The following TMEM232 variants were observed in gnomAD, a reference collection of about 807,000 sequenced individuals.
TMEM232 encodes transmembrane protein 232.
A neutral mutation model predicts 78.8 loss-of-function variants in TMEM232; 80 were observed. The observed-to-expected ratio is 1.01, with a 90% confidence interval of 0.85 to 1.22. TMEM232 has a LOEUF of 1.22. Ranked by LOEUF, TMEM232 falls within the 50% of genes most tolerant of loss-of-function variation. The pLI is 0.00. For missense variants in TMEM232, 881 were observed against 742.2 expected (o/e 1.19, Z -2.17); for synonymous variants, 297 against 254.3 (o/e 1.17, Z -1.60).
chr5:110,697,022 G>A (rs953606822), intron 1 of TMEM232, among the ~76,000 whole-genome samples: 3 of 152,116 alleles, frequency 2.0e-5, no homozygotes, highest in African/African-American at 7.2e-5. Flanking sequence ...AAAGCTGGAG[G>A]CATCACGCTA....
chr5:110,486,304 C>CA (rs1249612573), intron 12 of TMEM232, among the ~76,000 whole-genome samples: 1 of 152,040 alleles, frequency 6.6e-6, no homozygotes, highest in South Asian at 2.1e-4. Context: ...TTTTGCCATG[C>CA]AAAAGCTCTT....
exon 4 of TMEM232, chr5:110,390,532 A>T (rs190031526): frequency 2.6e-5 from 4 of 152,228 alleles, no homozygotes; most frequent in African/African-American, 7.2e-5. Flanking sequence ...CAACTTCAGC[A>T]TGTCTTTTTA....
chr5:110,690,325 A>G (rs1487538793), intron 1 of TMEM232, among the ~76,000 whole-genome samples: 1 of 151,972 alleles, frequency 6.6e-6, no homozygotes, highest in African/African-American at 2.4e-5. Flanking sequence ...GGGTAAACAG[A>G]CACTTCTCAA....
At chr5:110,736,982 C>G (rs1301928395) in intron 1 of TMEM232, among the ~76,000 whole-genome samples, 1 of 140,926 alleles carries the variant, frequency 7.1e-6, no homozygotes, top group Non-Finnish European at 1.5e-5. Context: ...GTCACTTCTT[C>G]AGAGAGGACT....
At chr5:110,408,322 T>C (rs1227097326) in intron 2 of TMEM232, among the ~76,000 whole-genome samples, 1 of 152,154 alleles carries the variant, frequency 6.6e-6, no homozygotes, top group South Asian at 2.1e-4. Flanking sequence ...TCAGTGGTGG[T>C]GCCTCACACC....
In TMEM232 at chr5:110,587,691, A is replaced by ATGTGTGTG. The variant is rs147127408; in HGVS notation, c.1276+17410_1276+17417dup. Among the ~76,000 whole-genome samples the ATGTGTGTG allele has an allele frequency of 3.4e-3, 212 of 63,108 alleles. 2 individuals are homozygous for ATGTGTGTG. Among genetic ancestry groups the ATGTGTGTG allele is most frequent in the Non-Finnish European group, 4.8e-3 (174 of 36,298 alleles). 41.4% of individuals were successfully genotyped at this position (63,108 alleles called of 152,430 possible). ...TATATATATATATATATATATATAT[A>ATGTGTGTG]TGTGTGTGTGTGTGTGTGTGTGTGT... On this transcript the variant is annotated intron_variant, in intron 10 of 13. Coordinates refer to ENST00000455884, the MANE Select transcript of TMEM232 (RefSeq NM_001039763.4).
At chr5:110,450,146 T>A (rs1047960230) in intron 12 of TMEM232, among the ~76,000 whole-genome samples, 3 of 152,176 alleles carry the variant, frequency 2.0e-5, no homozygotes, top group African/African-American at 7.2e-5. Flanking sequence ...ACTTCCACCA[T>A]AATCATAAGT....
At chr5:110,480,986 A>C (rs189831112) in intron 12 of TMEM232, among the ~76,000 whole-genome samples, 1 of 152,026 alleles carries the variant, frequency 6.6e-6, no homozygotes, top group Non-Finnish European at 1.5e-5. Flanking sequence ...TGTTTTCTGT[A>C]TCTAGTTAAT....
At chr5:110,736,186 C>T (rs192505184) in intron 1 of TMEM232, among the ~76,000 whole-genome samples, 170 of 152,226 alleles carry the variant, frequency 1.1e-3, no homozygotes, top group African/African-American at 3.8e-3. Context: ...AAGCAATAAA[C>T]TCTGGACGAT....
chr5:110,400,389 C>G (rs1412199076), intron 2 of TMEM232, among the ~76,000 whole-genome samples: 1 of 152,080 alleles, frequency 6.6e-6, no homozygotes, highest in Non-Finnish European at 1.5e-5. Flanking sequence ...ATGCCTGCCA[C>G]ATTACAATTA....
At chr5:110,490,269 T>C (rs1473006501) in intron 12 of TMEM232, among the ~76,000 whole-genome samples, 1 of 152,142 alleles carries the variant, frequency 6.6e-6, no homozygotes, top group Non-Finnish European at 1.5e-5. Flanking sequence ...ATGTTCAATT[T>C]GCCATAGTAT....
intron 1 of TMEM232, among the ~76,000 whole-genome samples, chr5:110,726,100 T>C (rs1396308017): frequency 1.6e-5 from 2 of 125,150 alleles, no homozygotes; most frequent in Admixed American, 1.5e-4. Context: ...TATACCCCCC[T>C]CTCTCTTTCA....
At chr5:110,536,085 T>A (rs1339865407) in intron 11 of TMEM232, among the ~76,000 whole-genome samples, 1 of 152,250 alleles carries the variant, frequency 6.6e-6, no homozygotes, top group Non-Finnish European at 1.5e-5. Flanking sequence ...TTTTGCTATC[T>A]GCTCCATACA....
chr5:110,567,291 T>C (rs1037436501), intron 11 of TMEM232, among the ~76,000 whole-genome samples: 2 of 151,706 alleles, frequency 1.3e-5, no homozygotes, highest in African/African-American at 4.8e-5. Context: ...TATTTTTATC[T>C]TAAAAATAAT....
intron 13 of TMEM232, among the ~76,000 whole-genome samples, chr5:110,424,574 C>A (rs926690530): frequency 1.3e-5 from 2 of 152,072 alleles, no homozygotes; most frequent in Non-Finnish European, 2.9e-5. Flanking sequence ...CACAAGAAAT[C>A]AGTACTAATT....
intron 10 of TMEM232, among the ~76,000 whole-genome samples, chr5:110,590,574 C>A (rs189881721): frequency 6.6e-6 from 1 of 152,204 alleles, no homozygotes; most frequent in East Asian, 1.9e-4. Context: ...CTCCACTCCA[C>A]CGTCAGGGGA....
At chr5:110,417,138 G>A (rs1012114282), downstream of TMEM232, among the ~76,000 whole-genome samples, 1 of 152,124 alleles carries the variant, frequency 6.6e-6, no homozygotes, top group African/African-American at 2.4e-5. Context: ...GGAGTCTTGA[G>A]TTTATTCTTT....
intron 10 of TMEM232, among the ~76,000 whole-genome samples, chr5:110,575,391 T>C (rs987614515): frequency 1.3e-5 from 2 of 152,008 alleles, no homozygotes; most frequent in South Asian, 2.1e-4. Flanking sequence ...TGAAGCACAA[T>C]TGCAAATAGG....
At chr5:110,652,155 T>C (rs752038891) in intron 2 of TMEM232, among the ~76,000 whole-genome samples, 7 of 152,198 alleles carry the variant, frequency 4.6e-5, no homozygotes, top group Admixed American at 2.0e-4. Flanking sequence ...TAGCTGTTTT[T>C]CTAAGATCCC....
Sources: gnomAD v4.1 joint callset for allele counts (sites outside exome capture counted in the v4.1 genomes callset) on GRCh38, gnomAD v4.1.1 for gene constraint, MANE v1.5 for transcripts, NCBI Gene and HGNC (gene_info 2026-07-23, HGNC 2026-07-21) for gene names.